HDAC1: variants seen among roughly 807,000 people sequenced by gnomAD.
HDAC1 encodes histone deacetylase 1, also known as protein deacetylase HDAC1.
HDAC1 carries 18 observed loss-of-function variants against 65.5 expected under a neutral mutation model. The ratio of observed to expected loss-of-function variants is 0.27; its 90% confidence interval spans 0.19 to 0.41. The LOEUF (loss-of-function observed/expected upper bound fraction) is 0.41. Ranked by LOEUF, HDAC1 falls within the 10% of genes least tolerant of loss-of-function variation. HDAC1 has a pLI of 1.00. For missense variants in HDAC1, 373 were observed against 625.2 expected, an observed-to-expected ratio of 0.60 and a Z score of 4.30; for synonymous variants, 211 against 227.9, an observed-to-expected ratio of 0.93 and a Z score of 0.67.
At position 32,332,166 on chromosome 1, in the gene HDAC1, G is replaced by C; in HGVS notation, c.1296G>C (p.Lys432Asn). Residue 432 changes from lysine to asparagine, a missense_variant, in exon 12 of 14, where the codon AAG becomes AAC. Physicochemically the swap from Lys to Asn is moderately conservative, Grantham distance 94 (BLOSUM62 0). Coordinates refer to ENST00000373548, the MANE Select transcript of HDAC1 (RefSeq NM_004964.3). ...DSEEEGEGGR[K>N]NSSNFKKAKR... ...AAGAGGAGGGAGAGGGGGGCCGCAA[G>C]AACTCTTCCAACTTCAAAAAAGCCA... 1 of 1,613,628 alleles carries C rather than the reference G, an allele frequency of 6.2e-7. No homozygotes were observed. The highest frequency in any genetic ancestry group is 8.5e-7 in the Non-Finnish European group (1 of 1,179,656).
At position 32,299,812 on chromosome 1, in the gene HDAC1, T is replaced by G. The variant is rs565462954; in HGVS notation, c.50-2809T>G. Among the ~76,000 whole-genome samples the G allele has an allele frequency of 2.6e-5, 4 of 152,180 alleles. No homozygotes were observed. The East Asian group carries it at 7.7e-4, about 29-fold the overall frequency. Reference sequence around the variant, plus strand: ...TGGCTCACACCTGTAATCCCAGCACTTTGGGAGGCCGAGGTGGACGGATCA... The same window carrying G: ...TGGCTCACACCTGTAATCCCAGCACGTTGGGAGGCCGAGGTGGACGGATCA... On this transcript the variant is annotated intron_variant, in intron 1 of 13. Transcript: ENST00000373548.
chr1:32,327,101 T>G lies in HDAC1; in HGVS notation c.494+24T>G. 1 of 1,612,940 alleles carries G rather than the reference T, an allele frequency of 6.2e-7. No homozygotes were observed. The highest frequency in any genetic ancestry group is 8.5e-7 in the Non-Finnish European group (1 of 1,179,512). ...AAGTATGCCTGCCTGGCCTTGTCTC[T>G]TGGAAGAGCACCTTAGGCCAGGTTC... On this transcript the variant is annotated intron_variant, in intron 5 of 13. Coordinates refer to ENST00000373548, the MANE Select transcript of HDAC1 (RefSeq NM_004964.3). The surrounding 1 kb of genome is among the most constrained non-coding windows in gnomAD (Gnocchi z 6.0).
chr1:32,292,785 T>G (rs967833216), intron 1 of HDAC1, among the ~76,000 whole-genome samples: 1 of 151,650 alleles, frequency 6.6e-6, no homozygotes, highest in African/African-American at 2.4e-5. Flanking sequence ...TTCGAGGAAG[T>G]GTTGAGGGGC....
chr1:32,299,250 C>T (rs1640813408), intron 1 of HDAC1, among the ~76,000 whole-genome samples: 1 of 151,978 alleles, frequency 6.6e-6, no homozygotes, highest in African/African-American at 2.4e-5. Context: ...GGAATACACA[C>T]AGCACGGGTT....
intron 1 of HDAC1, among the ~76,000 whole-genome samples, chr1:32,302,304 T>C: frequency 6.6e-6 from 1 of 152,124 alleles, no homozygotes; most frequent in East Asian, 1.9e-4. Context: ...GGGAATTCCT[T>C]GGAGGTATAG....
intron 3 of HDAC1, among the ~76,000 whole-genome samples, chr1:32,323,130 G>A (rs1016170947): frequency 4.6e-5 from 7 of 151,974 alleles, no homozygotes; most frequent in African/African-American, 1.7e-4. Flanking sequence ...GTGAAACCCC[G>A]TCTCTACTAA....
At chr1:32,297,335 C>T (rs1328070091) in intron 1 of HDAC1, among the ~76,000 whole-genome samples, 1 of 152,076 alleles carries the variant, frequency 6.6e-6, no homozygotes, top group South Asian at 2.1e-4. Context: ...TGAGACCAGG[C>T]GTTCAAGACC....
intron 1 of HDAC1, among the ~76,000 whole-genome samples, 190 bp from the exon 2 acceptor site, chr1:32,302,431 A>G (rs889126069): frequency 6.7e-6 from 1 of 148,412 alleles, no homozygotes; most frequent in African/African-American, 2.5e-5. Context: ...TTAAATGTTC[A>G]CCTCACCAGG....
In HDAC1 at chr1:32,332,715, G is replaced by T. The variant is rs750266552; in HGVS notation, c.1387G>T (p.Glu463Ter). The T allele has an allele frequency of 3.2e-6, 5 of 1,555,358 alleles. No individual in the cohort carries two copies. ...PEEKKEVTEE[E>*]KTKEEKPEAK... ...TTGTGTTCTAGAAGTCACCGAAGAGGAGAAAACCAAGGAGGAGAAGCCAGA... is the reference window on the plus strand; with the variant it reads ...TTGTGTTCTAGAAGTCACCGAAGAGTAGAAAACCAAGGAGGAGAAGCCAGA... The change falls in exon 13 of 14, where the codon GAG becomes TAG. Residue 463 changes from glutamate to a stop codon, truncating the protein, a stop_gained. Coordinates refer to ENST00000373548, the MANE Select transcript of HDAC1 (RefSeq NM_004964.3). LOFTEE classifies it high-confidence loss of function.
intron 1 of HDAC1, among the ~76,000 whole-genome samples, chr1:32,297,633 C>T (rs914153327): frequency 6.6e-6 from 1 of 152,056 alleles, no homozygotes; most frequent in Admixed American, 6.6e-5. Context: ...GCGGGGGGGA[C>T]GGAGTCTTGC....
At chr1:32,310,528 C>T (rs1360031552) in intron 2 of HDAC1, among the ~76,000 whole-genome samples, 9 of 152,062 alleles carry the variant, frequency 5.9e-5, no homozygotes, top group Non-Finnish European at 2.9e-5. Context: ...GCCTGGGCAA[C>T]ACAGGGAGAT....
chr1:32,330,788 T>C lies in HDAC1; in HGVS notation c.859T>C (p.Phe287Leu). 6.2e-7 allele frequency: 1 copy of C among 1,614,150 alleles called. No individual in the cohort carries two copies. Among genetic ancestry groups the C allele is most frequent in the Non-Finnish European group, 8.5e-7 (1 of 1,180,030 alleles). ...TIKGHAKCVEFVKSFNLPMLM... is the reference protein window; with the variant it reads ...TIKGHAKCVELVKSFNLPMLM... ...CAAAGGACACGCCAAGTGTGTGGAA[T>C]TTGTCAAGAGCTTTAACCTGCCTAT... Residue 287 changes from phenylalanine to leucine, a missense_variant, in exon 9 of 14, where the codon TTT becomes CTT. By Grantham distance (22) the Phe-to-Leu change is conservative. Transcript: ENST00000373548. This position sits in a 1 kb window ranked among gnomAD's most constrained non-coding sequence, Gnocchi z 4.2.
chr1:32,332,840 G>A (rs1459262750), intron 13 of HDAC1, 91 bp downstream of exon 13: 3 of 1,286,710 alleles, frequency 2.3e-6, no homozygotes, highest in Non-Finnish European at 3.3e-6. Flanking sequence ...AGGGACAGCT[G>A]GTCCAGCTTA....
At position 32,329,087 on chromosome 1, in the gene HDAC1, G is replaced by C; in HGVS notation, c.656G>C (p.Gly219Ala). ...AATTAGGATATCGGGGCTGGCAAAG[G>C]CAAGTATTATGCTGTTAACTACCCG... ...GDLRDIGAGKGKYYAVNYPLR... is the reference protein window; with the variant it reads ...GDLRDIGAGKAKYYAVNYPLR... Residue 219 changes from glycine (G) to alanine (A), a missense_variant, in exon 7 of 14, where the codon GGC becomes GCC. Around this residue, in one of 4 missense-constraint regions of HDAC1, gnomAD observed 62 missense variants for 180.0 expected, o/e 0.34. Coordinates refer to ENST00000373548, the MANE Select transcript of HDAC1 (RefSeq NM_004964.3). The surrounding 1 kb of genome is among the most constrained non-coding windows in gnomAD (Gnocchi z 4.1). 1 of 1,610,012 alleles carries C rather than the reference G, an allele frequency of 6.2e-7. No individual in the cohort carries two copies. The highest frequency in any genetic ancestry group is 1.1e-5 in the South Asian group (1 of 91,002).
intron 1 of HDAC1, among the ~76,000 whole-genome samples, chr1:32,302,165 T>C (rs887767579): frequency 2.0e-5 from 3 of 152,214 alleles, no homozygotes; most frequent in Non-Finnish European, 4.4e-5. Flanking sequence ...GTCCTACCCA[T>C]GTTACTGTGA....
intron 3 of HDAC1, among the ~76,000 whole-genome samples, chr1:32,321,672 T>G (rs1418622750): frequency 6.6e-6 from 1 of 152,164 alleles, no homozygotes; most frequent in Admixed American, 6.5e-5. Flanking sequence ...GCTTATTGAC[T>G]AGGAATAAAA....
intron 2 of HDAC1, among the ~76,000 whole-genome samples, chr1:32,313,644 C>T (rs1274734198): frequency 2.6e-5 from 4 of 152,198 alleles, no homozygotes; most frequent in African/African-American, 9.7e-5. Flanking sequence ...AACATCACTT[C>T]GCTCAGCATC....
intron 1 of HDAC1, among the ~76,000 whole-genome samples, chr1:32,293,255 A>C (rs1640722642): frequency 1.3e-5 from 2 of 148,954 alleles, no homozygotes; most frequent in South Asian, 4.3e-4. Context: ...CGGGAGGCAG[A>C]GGTTGCAGTG....
chr1:32,322,222 C>T (rs1443627156), intron 3 of HDAC1, among the ~76,000 whole-genome samples: 1 of 152,052 alleles, frequency 6.6e-6, no homozygotes, highest in East Asian at 1.9e-4. Context: ...AGTATGCAGC[C>T]CCACACCTCC....
Sources: gnomAD v4.1 joint callset for allele counts (sites outside exome capture counted in the v4.1 genomes callset) on GRCh38, gnomAD v4.1.1 for gene constraint, gnomAD v4.1.1 regional missense constraint, Gnocchi (gnomAD v3.1) non-coding constraint, MANE v1.5 for transcripts, NCBI Gene and HGNC (gene_info 2026-07-23, HGNC 2026-07-21) for gene names.